The following RGL1 variants were observed in gnomAD, a reference collection of about 807,000 sequenced individuals.
RGL1 encodes ral guanine nucleotide dissociation stimulator-like 1.
A neutral mutation model predicts 95.2 loss-of-function variants in RGL1; 24 were observed. The observed-to-expected ratio is 0.25, with a 90% CI of 0.18 to 0.35. RGL1 has a LOEUF of 0.35. Among genes scored for constraint, RGL1 ranks in the 10% least tolerant of loss-of-function variants. The probability of loss-of-function intolerance (pLI) is 1.00; values close to 1 mark genes in which losing one functional copy is unlikely to be tolerated. For synonymous variants in RGL1, 329 were observed against 344.9 expected, an observed-to-expected ratio of 0.95 and a Z score of 0.51; for missense variants, 715 against 936.3, an observed-to-expected ratio of 0.76 and a Z score of 3.08.
intron 1 of RGL1, among the ~76,000 whole-genome samples, chr1:183,643,832 T>G (rs186139702): frequency 1.1e-4 from 16 of 152,320 alleles, no homozygotes; most frequent in Admixed American, 2.0e-4. Flanking sequence ...CGATTTGCAC[T>G]TAATTTTAAC....
intron 1 of RGL1, among the ~76,000 whole-genome samples, chr1:183,722,970 C>T (rs1656096441): frequency 6.6e-6 from 1 of 152,092 alleles, no homozygotes. Flanking sequence ...CTTAAAACAA[C>T]AAACAGCAGC....
intron 3 of RGL1, among the ~76,000 whole-genome samples, chr1:183,851,199 T>C (rs990626286): frequency 6.6e-6 from 1 of 152,204 alleles, no homozygotes; most frequent in Admixed American, 6.5e-5. Context: ...ACCATTTGGA[T>C]GGGCCAAGGC....
intron 5 of RGL1, among the ~76,000 whole-genome samples, chr1:183,882,131 T>C (rs1388736625): frequency 2.0e-5 from 3 of 152,272 alleles, no homozygotes; most frequent in Non-Finnish European, 4.4e-5. Flanking sequence ...CTCTCCTATA[T>C]GTTTTTAAAA....
In RGL1 at chr1:183,775,104, G is replaced by C. The variant is rs1659522188; in HGVS notation, c.133-31271G>C. Reference sequence around the variant, plus strand: ...CCCTCAGGTAGATGGATTTAAGACTGATTTCCCATCTCCTCAGCTGCAGCA... The same window carrying C: ...CCCTCAGGTAGATGGATTTAAGACTCATTTCCCATCTCCTCAGCTGCAGCA... On this transcript the variant is annotated intron_variant, in intron 2 of 18. Coordinates refer to the RGL1 transcript ENST00000304685. 7.9e-5 allele frequency among the ~76,000 whole-genome samples: 12 copies of C among 152,124 alleles called. No homozygotes were observed. The South Asian group carries it at 2.5e-3, about 32-fold the overall frequency.
In RGL1 at chr1:183,849,245, C is replaced by A. The variant is rs189887831; in HGVS notation, c.347+1471C>A. On this transcript the variant is annotated intron_variant, in intron 3 of 17. Transcript: ENST00000360851. ...GGATGACAGGTGCATGCCACCACGC[C>A]TGGCCAGTTTTCAGTTTTTACTTAT... is the stretch of plus-strand genomic sequence containing the variant. 5.0e-3 allele frequency among the ~76,000 whole-genome samples: 764 copies of A among 152,042 alleles called. 7 individuals are homozygous for A. The highest frequency in any genetic ancestry group is 0.015 in the Admixed American group (228 of 15,260).
chr1:183,898,668 G>A (rs1667841744), intron 10 of RGL1, among the ~76,000 whole-genome samples: 1 of 152,186 alleles, frequency 6.6e-6, no homozygotes, highest in Non-Finnish European at 1.5e-5. Context: ...AACATTCACA[G>A]TGTTACAAAC....
chr1:183,780,591 A>G (rs963558334), intron 2 of RGL1, among the ~76,000 whole-genome samples: 1 of 152,150 alleles, frequency 6.6e-6, no homozygotes, highest in African/African-American at 2.4e-5. Context: ...ATCAGGTAGG[A>G]AAAAAAATGT....
At chr1:183,873,737 G>T (rs557121043) in intron 4 of RGL1, among the ~76,000 whole-genome samples, 2 of 152,186 alleles carry the variant, frequency 1.3e-5, no homozygotes, top group East Asian at 3.9e-4. Context: ...ATGCTGTTTT[G>T]CCTGGCTGTT....
At chr1:183,775,140 G>T (rs1466990696) in intron 2 of RGL1, among the ~76,000 whole-genome samples, 1 of 152,120 alleles carries the variant, frequency 6.6e-6, no homozygotes, top group South Asian at 2.1e-4. Context: ...CCCGATTAAA[G>T]CCTTCTTCCT....
Position 183,686,369 on chromosome 1 carries a change from T to C in RGL1, c.-33+49868T>C, listed in dbSNP as rs79117537. Among the ~76,000 whole-genome samples, 239 of 152,294 alleles carry C rather than the reference T, an allele frequency of 1.6e-3. 8 individuals carry two copies. In the East Asian group the frequency reaches 0.041, roughly 26 times the overall value. On this transcript the variant is annotated intron_variant, in intron 1 of 18. Transcript: ENST00000304685. ...TTTTCTCTTTTCAGTTGGTCAGAGGTAGGGGCACCCCATCTTCATTTCCCT... is the reference window on the plus strand; with the variant it reads ...TTTTCTCTTTTCAGTTGGTCAGAGGCAGGGGCACCCCATCTTCATTTCCCT...
chr1:183,738,864 G>A (rs1364119718), intron 1 of RGL1, among the ~76,000 whole-genome samples: 3 of 152,136 alleles, frequency 2.0e-5, no homozygotes, highest in African/African-American at 7.2e-5. Flanking sequence ...CTGCACCACT[G>A]CACTCCAGCC....
intron 2 of RGL1, among the ~76,000 whole-genome samples, chr1:183,832,534 GT>G (rs1663331131): frequency 6.6e-6 from 1 of 152,142 alleles, no homozygotes; most frequent in Non-Finnish European, 1.5e-5. Flanking sequence ...AGGAAAGAAG[GT>G]TGTGGTTAGA....
At chr1:183,765,079 T>C (rs923089507) in intron 2 of RGL1, among the ~76,000 whole-genome samples, 5 of 152,070 alleles carry the variant, frequency 3.3e-5, no homozygotes, top group African/African-American at 1.2e-4. Flanking sequence ...GAACTTGTGG[T>C]TCCTGGGCCT....
chr1:183,708,549 G>A (rs1182204859), intron 1 of RGL1, among the ~76,000 whole-genome samples: 1 of 152,200 alleles, frequency 6.6e-6, no homozygotes, highest in Non-Finnish European at 1.5e-5. Flanking sequence ...GGCGCATGCT[G>A]ATACAATTCA....
chr1:183,837,081 T>C (rs1373751603), intron 2 of RGL1, among the ~76,000 whole-genome samples: 1 of 152,162 alleles, frequency 6.6e-6, no homozygotes, highest in Non-Finnish European at 1.5e-5. Flanking sequence ...ATTAATGACT[T>C]GACTTTAAAG....
chr1:183,810,774 C>T (rs1447747330), intron 2 of RGL1, among the ~76,000 whole-genome samples: 1 of 152,186 alleles, frequency 6.6e-6, no homozygotes, highest in East Asian at 1.9e-4. Flanking sequence ...AAATGGCATA[C>T]AGTTCCTGGA....
At chr1:183,700,120 C>T (rs1416119557) in intron 1 of RGL1, among the ~76,000 whole-genome samples, 6 of 152,202 alleles carry the variant, frequency 3.9e-5, no homozygotes, top group African/African-American at 1.4e-4. Context: ...CACTCCTACC[C>T]TCAACCTGCT....
chr1:183,679,432 T>C (rs1468569743), intron 1 of RGL1, among the ~76,000 whole-genome samples: 4 of 106,148 alleles, frequency 3.8e-5, no homozygotes, highest in African/African-American at 1.5e-4. Context: ...TTCCCCTCCC[T>C]GTGTCCATGT....
intron 2 of RGL1, among the ~76,000 whole-genome samples, chr1:183,772,063 A>G (rs1659310010): frequency 6.6e-6 from 1 of 152,224 alleles, no homozygotes; most frequent in Non-Finnish European, 1.5e-5. Flanking sequence ...GCCCAACTCC[A>G]GGGATAAACC....
Sources: gnomAD v4.1 joint callset for allele counts (sites outside exome capture counted in the v4.1 genomes callset) on GRCh38, gnomAD v4.1.1 for gene constraint, MANE v1.5 for transcripts, NCBI Gene and HGNC (gene_info 2026-07-23, HGNC 2026-07-21) for gene names.